DPF3: variants seen among roughly 807,000 people sequenced by gnomAD.
DPF3 encodes double PHD fingers 3.
Under a neutral mutation model 56.8 loss-of-function variants are expected in DPF3, and 18 were observed. The observed-to-expected ratio is 0.32, with a 90% confidence interval of 0.22 to 0.47. The LOEUF (loss-of-function observed/expected upper bound fraction) is 0.47, where lower values mean the gene tolerates loss of function less well. Among genes scored for constraint, DPF3 ranks in the 20% least tolerant of loss-of-function variants. The probability of loss-of-function intolerance (pLI) is 1.00; values close to 1 mark genes in which losing one functional copy is unlikely to be tolerated. For missense variants in DPF3, 403 were observed against 488.8 expected, an observed-to-expected ratio of 0.82 and a Z score of 1.65; for synonymous variants, 188 against 180.2, an observed-to-expected ratio of 1.04 and a Z score of -0.35.
At position 72,755,131 on chromosome 14, in the gene DPF3, C is replaced by G. The variant is rs375320445; in HGVS notation, c.194-1760G>C. 7.9e-5 allele frequency among the ~76,000 whole-genome samples: 12 copies of G among 152,328 alleles called. No homozygotes were observed. The East Asian group carries it at 2.1e-3, about 27-fold the overall frequency. ...CCATCTCTGGGCCTTAGGTTTCCTT[C>G]GTTCCCCAGTGGCTGCTTTACGGTG... On this transcript the variant is annotated intron_variant, in intron 2 of 10. Transcript: ENST00000556509.
intron 1 of DPF3, among the ~76,000 whole-genome samples, chr14:72,854,901 C>T (rs1885118278): frequency 6.6e-6 from 1 of 152,194 alleles, no homozygotes; most frequent in Non-Finnish European, 1.5e-5. Context: ...CCTTTTAGGG[C>T]ATAGTTGTCC....
At chr14:72,725,163 C>G (rs141288429) in intron 4 of DPF3, among the ~76,000 whole-genome samples, 8 of 152,262 alleles carry the variant, frequency 5.3e-5, no homozygotes, top group African/African-American at 1.7e-4. Context: ...AGGCTCCATG[C>G]TAGGCAAGCT....
intron 1 of DPF3, among the ~76,000 whole-genome samples, chr14:72,797,870 A>G (rs1345917327): frequency 1.3e-5 from 2 of 152,330 alleles, no homozygotes; most frequent in Admixed American, 1.3e-4. Context: ...TAAAATAGAT[A>G]TTAAAAAATT....
intron 1 of DPF3, among the ~76,000 whole-genome samples, chr14:72,856,250 G>A (rs1299441182): frequency 6.6e-6 from 1 of 152,172 alleles, no homozygotes; most frequent in African/African-American, 2.4e-5. Flanking sequence ...GGGTATCACA[G>A]GATGCTGTGG....
Position 72,759,263 on chromosome 14 carries a change from CA to C in DPF3, c.194-5893del, listed in dbSNP as rs1890969339. 2.0e-5 allele frequency among the ~76,000 whole-genome samples: 3 copies of C among 151,682 alleles called. No individual in the cohort carries two copies. The South Asian group carries it at 6.2e-4, about 31-fold the overall frequency. On this transcript the variant is annotated intron_variant, in intron 2 of 10. Transcript: ENST00000556509. ...AGAAACTATTCCAAAATGAAACCCACAGGAAAAAACAGAAAAGAAAAAAAAA... is the reference window on the plus strand; with the variant it reads ...AGAAACTATTCCAAAATGAAACCCACGGAAAAAACAGAAAAGAAAAAAAAA...
rs1286394285 is a variant in DPF3, at chr14:72,614,576, A to T, written c.*4721T>A. ...TTCACTCCCCAAGGCTGCAGGCATG[A>T]TCCAGCCCTCCCTCACTGCCTTCTC... On this transcript the variant is annotated 3_prime_UTR_variant, in exon 11 of 11. Coordinates refer to ENST00000556509, the MANE Select transcript of DPF3 (RefSeq NM_001280542.3). 6.6e-6 allele frequency among the ~76,000 whole-genome samples: 1 copy of T among 151,890 alleles called. No individual in the cohort carries two copies. The highest frequency in any genetic ancestry group is 1.5e-5 in the Non-Finnish European group (1 of 67,954).
intron 1 of DPF3, among the ~76,000 whole-genome samples, chr14:72,841,440 G>A (rs1278407452): frequency 6.6e-6 from 1 of 152,056 alleles, no homozygotes; most frequent in Non-Finnish European, 1.5e-5. Context: ...AGCAAATTTT[G>A]GAAAATCTGT....
intron 2 of DPF3, among the ~76,000 whole-genome samples, chr14:72,768,906 G>A (rs957625674): frequency 6.7e-6 from 1 of 149,670 alleles, no homozygotes; most frequent in African/African-American, 2.5e-5. Context: ...TAGTCATATT[G>A]TTTGTTCTGA....
intron 8 of DPF3, among the ~76,000 whole-genome samples, chr14:72,640,706 G>A (rs778334652): frequency 6.6e-6 from 1 of 152,188 alleles, no homozygotes; most frequent in Non-Finnish European, 1.5e-5. Context: ...GCAGAGATGC[G>A]ACTTGCAGAG....
intron 1 of DPF3, among the ~76,000 whole-genome samples, chr14:72,879,643 C>CAAACCGCCTGCCCAGAGG (rs1211547889): frequency 1.3e-5 from 2 of 152,060 alleles, no homozygotes; most frequent in Non-Finnish European, 2.9e-5. Context: ...GGAGGACAAT[C>CAAACCGCCTGCCCAGAGG]AAACCGCCTG....
chr14:72,701,738 A>G (rs1251209942), intron 6 of DPF3, among the ~76,000 whole-genome samples: 1 of 152,172 alleles, frequency 6.6e-6, no homozygotes, highest in Non-Finnish European at 1.5e-5. Context: ...GGTTTCCGAG[A>G]GACTGAAAGC....
At chr14:72,719,204 T>C (rs548358983) in intron 5 of DPF3, among the ~76,000 whole-genome samples, 10 of 151,210 alleles carry the variant, frequency 6.6e-5, no homozygotes, top group Middle Eastern at 3.4e-3. Context: ...CAAGTAGCTG[T>C]AACCAGAGGT....
At chr14:72,798,833 C>T (rs927686410) in intron 1 of DPF3, among the ~76,000 whole-genome samples, 7 of 152,234 alleles carry the variant, frequency 4.6e-5, no homozygotes, top group Non-Finnish European at 1.0e-4. Context: ...TTCATCTTGG[C>T]AACTCCTTCC....
chr14:72,820,793 G>C (rs1317097419), intron 1 of DPF3, among the ~76,000 whole-genome samples: 1 of 151,908 alleles, frequency 6.6e-6, no homozygotes, highest in African/African-American at 2.4e-5. Flanking sequence ...TCAGGAGTTC[G>C]AGACCAGCCT....
intron 8 of DPF3, chr14:72,670,590 G>A (rs187977623): frequency 2.0e-5 from 20 of 986,758 alleles, no homozygotes; most frequent in Admixed American, 6.1e-5. Context: ...CCCACCGGGC[G>A]GCTTGCCTCT....
intron 1 of DPF3, among the ~76,000 whole-genome samples, chr14:72,827,925 C>T (rs535563235): frequency 6.6e-6 from 1 of 152,120 alleles, no homozygotes; most frequent in Admixed American, 6.5e-5. Flanking sequence ...GCATTCTAGC[C>T]TGGGCAACAG....
At chr14:72,888,031 A>T (rs1886614738) in intron 1 of DPF3, among the ~76,000 whole-genome samples, 2 of 152,154 alleles carry the variant, frequency 1.3e-5, no homozygotes, top group South Asian at 4.1e-4. Context: ...TCAGAGAGGG[A>T]GGAGAGGGTG....
intron 1 of DPF3, among the ~76,000 whole-genome samples, chr14:72,786,710 T>C (rs1599440633): frequency 6.6e-6 from 1 of 152,348 alleles, no homozygotes; most frequent in East Asian, 1.9e-4. Flanking sequence ...CTTAAGCAGA[T>C]AGTTTTACAA....
intron 2 of DPF3, among the ~76,000 whole-genome samples, chr14:72,768,784 C>G (rs1891391206): frequency 6.6e-6 from 1 of 152,050 alleles, no homozygotes; most frequent in East Asian, 1.9e-4. Context: ...TCTCAGTGAC[C>G]TTAAAGGAGA....
Sources: allele counts gnomAD v4.1 joint callset (sites outside exome capture counted in the v4.1 genomes callset), GRCh38; gene constraint gnomAD v4.1.1; transcripts MANE v1.5; gene names NCBI Gene and HGNC (gene_info 2026-07-23, HGNC 2026-07-21).